NALF1: variants seen among roughly 807,000 people sequenced by gnomAD.
NALF1 encodes family with sequence similarity 155 member A.
In NALF1, 3 loss-of-function variants were observed where a neutral mutation model predicts 48.4. The ratio of observed to expected loss-of-function variants is 0.06; its 90% CI spans 0.03 to 0.16. The LOEUF (loss-of-function observed/expected upper bound fraction) is 0.16, where lower values mean the gene tolerates loss of function less well. Among genes scored for constraint, NALF1 ranks in the 10% least tolerant of loss-of-function variants. The pLI, the probability that NALF1 is intolerant of heterozygous loss-of-function variation, is 1.00. For missense variants in NALF1, 526 were observed against 571.5 expected (o/e 0.92, Z 0.81); for synonymous variants, 262 against 245.7 (o/e 1.07, Z -0.62).
chr13:107,613,253 T>G (rs908260891), intron 1 of NALF1, among the ~76,000 whole-genome samples: 2 of 152,206 alleles, frequency 1.3e-5, no homozygotes, highest in African/African-American at 4.8e-5. Context: ...AGAGGCAGAC[T>G]GTTATATTAA....
chr13:107,500,431 A>C (rs113416766), intron 1 of NALF1, among the ~76,000 whole-genome samples: 1 of 151,692 alleles, frequency 6.6e-6, no homozygotes, highest in Non-Finnish European at 1.5e-5. Context: ...TTAGAATGGC[A>C]ATCATTAAAA....
intron 1 of NALF1, among the ~76,000 whole-genome samples, chr13:107,648,787 G>C (rs915704534): frequency 2.0e-5 from 3 of 152,116 alleles, no homozygotes; most frequent in African/African-American, 7.2e-5. Flanking sequence ...GAACCATTTT[G>C]CATTCTCCCT....
intron 1 of NALF1, among the ~76,000 whole-genome samples, chr13:107,340,524 CTT>C (rs199696880): frequency 0.23 from 32,633 of 143,230 alleles, 3,890 homozygotes; most frequent in East Asian, 0.33. Context: ...CTTTCTCTCT[CTT>C]TTTTTTTTTA....
intron 1 of NALF1, among the ~76,000 whole-genome samples, chr13:107,281,637 C>T (rs935865393): frequency 1.3e-5 from 2 of 152,088 alleles, no homozygotes; most frequent in Admixed American, 6.6e-5. Flanking sequence ...CTGACTTCTT[C>T]GAACCTGACT....
chr13:107,589,702 A>T (rs1878552099), intron 1 of NALF1, among the ~76,000 whole-genome samples: 1 of 152,054 alleles, frequency 6.6e-6, no homozygotes, highest in Non-Finnish European at 1.5e-5. Flanking sequence ...CAAAACATGA[A>T]ATTAGAATAT....
intron 1 of NALF1, among the ~76,000 whole-genome samples, chr13:107,822,434 CTT>C (rs887872003): frequency 6.6e-6 from 1 of 151,850 alleles, no homozygotes; most frequent in Non-Finnish European, 1.5e-5. Context: ...CACCTGAGAA[CTT>C]TTTAGAAATG....
chr13:107,251,959 C>A, intron 1 of NALF1, among the ~76,000 whole-genome samples: 1 of 152,320 alleles, frequency 6.6e-6, no homozygotes, highest in South Asian at 2.1e-4. Context: ...AGTCTGCCTA[C>A]AGAGTGTCCC....
chr13:107,782,233 T>C (rs1395912249), intron 1 of NALF1, among the ~76,000 whole-genome samples: 1 of 152,214 alleles, frequency 6.6e-6, no homozygotes, highest in African/African-American at 2.4e-5. Flanking sequence ...TTCGTATTTT[T>C]TGGTGGAGAC....
At chr13:107,581,764 A>C (rs1878318502) in intron 1 of NALF1, among the ~76,000 whole-genome samples, 1 of 152,228 alleles carries the variant, frequency 6.6e-6, no homozygotes, top group South Asian at 2.1e-4. Flanking sequence ...ATTTTTCTTC[A>C]TAAGCAAATT....
chr13:107,665,810 AGATAAACTTTATTTTTCAACAT>A (rs1880844408), intron 1 of NALF1, among the ~76,000 whole-genome samples: 1 of 152,178 alleles, frequency 6.6e-6, no homozygotes, highest in Non-Finnish European at 1.5e-5. Context: ...AAAATGAAAA[AGATAAACTTTATTTTTCAACAT>A]GAGCTCCATC....
chr13:107,841,384 T>C (rs1349534473), intron 1 of NALF1, among the ~76,000 whole-genome samples: 1 of 152,108 alleles, frequency 6.6e-6, no homozygotes, highest in African/African-American at 2.4e-5. Flanking sequence ...AAGACAAAGA[T>C]GATTATTTGG....
chr13:107,234,351 A>G (rs1028039220), intron 1 of NALF1, among the ~76,000 whole-genome samples: 3 of 152,218 alleles, frequency 2.0e-5, no homozygotes, highest in African/African-American at 7.2e-5. Context: ...CCCAGGCACA[A>G]GACAACAACC....
intron 1 of NALF1, among the ~76,000 whole-genome samples, chr13:107,852,007 G>A (rs967647598): frequency 6.6e-6 from 1 of 150,448 alleles, no homozygotes. Context: ...TCATTATGTT[G>A]CCCAAGATGG....
intron 1 of NALF1, among the ~76,000 whole-genome samples, chr13:107,758,063 C>T (rs1052684430): frequency 6.6e-6 from 1 of 152,036 alleles, no homozygotes; most frequent in African/African-American, 2.4e-5. Context: ...TCAACACCAC[C>T]CTTCAAAAGT....
At chr13:107,430,354 T>C (rs1884356497) in intron 1 of NALF1, among the ~76,000 whole-genome samples, 1 of 152,118 alleles carries the variant, frequency 6.6e-6, no homozygotes, top group Non-Finnish European at 1.5e-5. Flanking sequence ...GTTTGTTACA[T>C]ATGTATACAT....
intron 1 of NALF1, among the ~76,000 whole-genome samples, chr13:107,717,312 G>T (rs1186709074): frequency 1.3e-5 from 2 of 152,156 alleles, no homozygotes; most frequent in African/African-American, 4.8e-5. Context: ...TGCCCCAATC[G>T]GCAGCATGAG....
intron 1 of NALF1, among the ~76,000 whole-genome samples, chr13:107,539,236 G>A (rs913101166): frequency 6.6e-6 from 1 of 151,876 alleles, no homozygotes; most frequent in Non-Finnish European, 1.5e-5. Context: ...CCAAAATCAT[G>A]GCATCAGCAT....
At chr13:107,828,242 C>T (rs1879580739) in intron 1 of NALF1, among the ~76,000 whole-genome samples, 1 of 152,164 alleles carries the variant, frequency 6.6e-6, no homozygotes, top group Non-Finnish European at 1.5e-5. Context: ...GTAGCACTGA[C>T]ATTCCAAATT....
intron 1 of NALF1, among the ~76,000 whole-genome samples, chr13:107,353,541 T>A (rs1017343171): frequency 6.6e-6 from 1 of 152,252 alleles, no homozygotes; most frequent in Non-Finnish European, 1.5e-5. Context: ...TAGAAGTACA[T>A]GTGCTTCATA....
Sources: gnomAD v4.1 joint callset for allele counts (sites outside exome capture counted in the v4.1 genomes callset) on GRCh38, gnomAD v4.1.1 for gene constraint, MANE v1.5 for transcripts, NCBI Gene and HGNC (gene_info 2026-07-23, HGNC 2026-07-21) for gene names.